The following DGKK variants were observed in gnomAD, a reference collection of about 807,000 sequenced individuals.
DGKK encodes 142 kDa diacylglycerol kinase.
In DGKK, 35 loss-of-function variants were observed where a neutral mutation model predicts 92.2. The ratio of observed to expected loss-of-function variants is 0.38; its 90% CI spans 0.29 to 0.50. The LOEUF (loss-of-function observed/expected upper bound fraction) is 0.50. Among genes scored for constraint, DGKK ranks in the 20% least tolerant of loss-of-function variants. DGKK has a pLI of 0.92. For synonymous variants in DGKK, 368 were observed against 360.6 expected (o/e 1.02, Z -0.23); for missense variants, 910 against 992.2 (o/e 0.92, Z 1.11).
chrX:50,446,359 C>T (rs1926307026), intron 1 of DGKK, among the ~76,000 whole-genome samples: 1 of 111,238 alleles, frequency 9.0e-6, no homozygotes, highest in African/African-American at 3.3e-5. Flanking sequence ...TGATACAGTT[C>T]CTCTACATCC....
rs181809860 is a variant in DGKK at position 50,451,254 on chromosome X, C to T, written c.645+18780G>A. On this transcript the variant is annotated intron_variant, in intron 1 of 27. Coordinates refer to ENST00000611977, the MANE Select transcript of DGKK (RefSeq NM_001013742.4). The stretch of plus-strand genomic sequence containing the variant: ...TTGAAAAATCTACCTAGGAGAGACT[C>T]CAAGTGAAAAGAGCTTCTTTCAGGA... 6.3e-5 allele frequency among the ~76,000 whole-genome samples: 7 copies of T among 111,399 alleles called. No homozygotes were observed. In the East Asian group the frequency reaches 1.7e-3, roughly 27 times the overall value.
Position 50,470,492 on chromosome X carries a change from G to A in DGKK, c.187C>T (p.Pro63Ser). 8.2e-7 allele frequency: 1 copy of A among 1,212,434 alleles called. No individual in the cohort carries two copies. Reference protein sequence around the residue: ...PIPEPCPELAPGPCPEATSES... With the variant: ...PIPEPCPELASGPCPEATSES... ...GAGGTCGCCTCTGGACAGGGACCTG[G>A]AGCAAGCTCTGGACAGGGCTCTGGT... The change falls in exon 1 of 28, where the codon CCA becomes TCA. Residue 63 changes from proline (P) to serine (S), a missense_variant. Pro to Ser is a moderately conservative substitution (Grantham distance 74, BLOSUM62 -1). Coordinates refer to ENST00000611977, the MANE Select transcript of DGKK (RefSeq NM_001013742.4).
rs1199044883 is a variant in DGKK at position 50,387,690 on chromosome X, A to G, written c.2019-37T>C. On this transcript the variant is annotated intron_variant, in intron 13 of 27. Transcript: ENST00000611977. ...AAATAGATGGCACAATGTTACATGA[A>G]CCATGAGGCCCAGAGCCCTTCTCTC... 3.0e-6 allele frequency: 3 copies of G among 992,802 alleles called. No individual in the cohort carries two copies. In the Admixed American group the frequency reaches 6.9e-5, roughly 23 times the overall value. The allele number at this position is 992,802 out of a possible 1,213,427, so 81.8% of individuals were successfully genotyped here.
Position 50,404,124 on chromosome X carries a change from T to C in DGKK, c.1003A>G (p.Ser335Gly). ...ACATTGCAGTGCTGGGTCCGGTGGC[T>C]GTAACTGGAGTACCAACAATGCATT... is the stretch of plus-strand genomic sequence containing the variant. ...VGMHCWYSSY[S>G]HRTQHCNVCR... is the part of the protein sequence containing the mutation. Residue 335 changes from serine to glycine, a missense_variant, in exon 5 of 28, where the codon AGC (serine) becomes GGC (glycine). Coordinates refer to ENST00000611977, the MANE Select transcript of DGKK (RefSeq NM_001013742.4). 8.3e-7 allele frequency: 1 copy of C among 1,210,731 alleles called. No homozygotes were observed. Among genetic ancestry groups the C allele is most frequent in the Non-Finnish European group, 1.1e-6 (1 of 894,998 alleles).
chrX:50,456,960 T>C (rs1569545178), intron 1 of DGKK, among the ~76,000 whole-genome samples: 1 of 111,783 alleles, frequency 8.9e-6, no homozygotes, highest in Non-Finnish European at 1.9e-5. Context: ...CATCACTGGC[T>C]TTATTTAAGA....
At chrX:50,371,658 T>C in intron 26 of DGKK, 66 bp downstream of exon 26, 1 of 844,184 alleles carries the variant, frequency 1.2e-6, no homozygotes, top group Non-Finnish European at 1.7e-6. Context: ...TGGCCCACAC[T>C]GGAAGGGAAG....
chrX:50,389,884 T>C (rs1215278897), intron 12 of DGKK, among the ~76,000 whole-genome samples: 2 of 111,426 alleles, frequency 1.8e-5, no homozygotes, highest in African/African-American at 6.5e-5. Context: ...CTCAAGTATC[T>C]TGTGAAATGG....
At chrX:50,411,789 G>C (rs1220876258) in intron 4 of DGKK, among the ~76,000 whole-genome samples, 1 of 111,596 alleles carries the variant, frequency 9.0e-6, no homozygotes, top group East Asian at 2.8e-4. Context: ...ATTGCCTCTA[G>C]TTGCTGATGA....
At chrX:50,438,588 G>A (rs1926091655) in intron 1 of DGKK, among the ~76,000 whole-genome samples, 1 of 111,639 alleles carries the variant, frequency 9.0e-6, no homozygotes, top group Non-Finnish European at 1.9e-5. Flanking sequence ...GCAAAACCAC[G>A]AGACACCTGA....
Position 50,391,462 on chromosome X carries a change from G to C in DGKK, c.1819C>G (p.Gln607Glu). ...CTGTCTAGGATCCTCACACTAGCCT[G>C]CTCCACTCTGTTGAGGATGTCCAGA... is the stretch of plus-strand genomic sequence containing the variant. ...SPLDILNRVEQASVRILDRWS... is the reference protein window; with the variant it reads ...SPLDILNRVEEASVRILDRWS... The change falls in exon 11 of 28, where the codon CAG becomes GAG. Residue 607 changes from glutamine to glutamate, a missense_variant. Transcript: ENST00000611977. 8.3e-7 allele frequency: 1 copy of C among 1,211,518 alleles called. No homozygotes were observed. Among genetic ancestry groups the C allele is most frequent in the Non-Finnish European group, 1.1e-6 (1 of 895,241 alleles).
intron 22 of DGKK, 99 bp from the exon 23 acceptor site, chrX:50,377,017 G>T: frequency 1.2e-6 from 1 of 810,340 alleles, no homozygotes; most frequent in Non-Finnish European, 1.7e-6. Flanking sequence ...CAATGGGTAT[G>T]TGGGTACAGT....
chrX:50,431,730 G>C (rs1557230323), intron 1 of DGKK, among the ~76,000 whole-genome samples: 1 of 111,317 alleles, frequency 9.0e-6, no homozygotes. Context: ...TGTTTGATTT[G>C]GTTAAAATGC....
intron 4 of DGKK, among the ~76,000 whole-genome samples, chrX:50,409,058 G>A (rs782686707): frequency 3.6e-4 from 40 of 111,574 alleles, no homozygotes; most frequent in African/African-American, 1.1e-3. Context: ...CTATATGGAA[G>A]TAGGGTCTTT....
intron 18 of DGKK, among the ~76,000 whole-genome samples, chrX:50,381,484 AT>A (rs1271018268): frequency 3.6e-5 from 4 of 111,929 alleles, no homozygotes; most frequent in Admixed American, 9.5e-5. Flanking sequence ...AATAAAAAAA[AT>A]AAACAAATAA....
intron 4 of DGKK, among the ~76,000 whole-genome samples, chrX:50,412,552 A>G (rs782120103): frequency 8.9e-6 from 1 of 112,379 alleles, no homozygotes; most frequent in South Asian, 3.7e-4. Flanking sequence ...AATCTTCACC[A>G]AAAGAACAAA....
At position 50,370,513 on chromosome X, in the gene DGKK, G is replaced by T; in HGVS notation, c.3649C>A (p.Leu1217Met). ...SSDTDSRSLR[L>M]KIKFPKLGKK... The stretch of plus-strand genomic sequence containing the variant: ...CCCAATTTGGGGAACTTAATTTTCA[G>T]CCTGAGGCTTCTACTGTCAGTGTCC... The change falls in exon 27 of 28, where the codon CTG (leucine) becomes ATG (methionine). Residue 1217 changes from leucine to methionine, a missense_variant. Physicochemically the swap from Leu to Met is conservative, Grantham distance 15. Coordinates refer to ENST00000611977, the MANE Select transcript of DGKK (RefSeq NM_001013742.4). The T allele has an allele frequency of 8.4e-7, 1 of 1,197,156 alleles. No individual in the cohort carries two copies. The highest frequency in any genetic ancestry group is 1.8e-5 in the South Asian group (1 of 54,620).
At chrX:50,420,820 C>T (rs188863853) in intron 3 of DGKK, among the ~76,000 whole-genome samples, 9 of 111,907 alleles carry the variant, frequency 8.0e-5, no homozygotes, top group African/African-American at 2.6e-4. Context: ...TTATTTTTCC[C>T]ATTTCATAGC....
chrX:50,413,306 T>C (rs899208887), intron 4 of DGKK, among the ~76,000 whole-genome samples: 7 of 112,169 alleles, frequency 6.2e-5, no homozygotes, highest in African/African-American at 2.3e-4. Flanking sequence ...TGGGCAAGGA[T>C]GTTTTGGCTC....
chrX:50,446,235 G>C (rs112244578), intron 1 of DGKK, among the ~76,000 whole-genome samples: 49,549 of 109,652 alleles, frequency 0.45, 9,697 homozygotes, highest in African/African-American at 0.76. Flanking sequence ...AAACAGGATG[G>C]TCTGACTTCC....
Sources: gnomAD v4.1 joint callset for allele counts (sites outside exome capture counted in the v4.1 genomes callset) on GRCh38, gnomAD v4.1.1 for gene constraint, MANE v1.5 for transcripts, NCBI Gene and HGNC (gene_info 2026-07-23, HGNC 2026-07-21) for gene names.